ATE1: variants seen among roughly 807,000 people sequenced by gnomAD.
ATE1 encodes arginyltransferase 1.
ATE1 carries 36 observed loss-of-function variants against 70.5 expected under a neutral mutation model. The observed-to-expected ratio is 0.51, with a 90% confidence interval of 0.39 to 0.67. ATE1 has a LOEUF of 0.67. Among genes scored for constraint, ATE1 ranks in the 30% least tolerant of loss-of-function variants. The pLI is 0.00. For synonymous variants in ATE1, 232 were observed against 219.3 expected (o/e 1.06, Z -0.51); for missense variants, 593 against 629.5 (o/e 0.94, Z 0.62).
intron 11 of ATE1, among the ~76,000 whole-genome samples, chr10:121,765,986 T>C (rs1027251970): frequency 3.3e-5 from 5 of 152,184 alleles, no homozygotes; most frequent in Non-Finnish European, 7.4e-5. Flanking sequence ...GAGACTGCCA[T>C]GGTGATATCA....
At chr10:121,832,546 G>A (rs7923678) in intron 10 of ATE1, among the ~76,000 whole-genome samples, 24,917 of 152,082 alleles carry the variant, frequency 0.16, 2,088 homozygotes, top group East Asian at 0.19. Flanking sequence ...CCCCCATAAT[G>A]TTATCATGGT....
intron 11 of ATE1, among the ~76,000 whole-genome samples, chr10:121,771,860 A>G (rs2135883708): frequency 6.6e-6 from 1 of 152,374 alleles, no homozygotes; most frequent in Non-Finnish European, 1.5e-5. Flanking sequence ...GCTTTGGTCA[A>G]CACACTTAGA....
chr10:121,814,455 A>C (rs899510840), intron 10 of ATE1, among the ~76,000 whole-genome samples: 4 of 152,328 alleles, frequency 2.6e-5, no homozygotes, highest in Non-Finnish European at 5.9e-5. Flanking sequence ...GGATGGAGGA[A>C]GCTGGTGACG....
intron 8 of ATE1, among the ~76,000 whole-genome samples, chr10:121,847,392 G>A (rs181814843): frequency 1.6e-4 from 25 of 151,578 alleles, no homozygotes; most frequent in African/African-American, 5.1e-4. Flanking sequence ...AGGTTGCAGT[G>A]AGCTGAGATC....
At chr10:121,772,503 C>T (rs1242732657) in intron 11 of ATE1, among the ~76,000 whole-genome samples, 1 of 152,142 alleles carries the variant, frequency 6.6e-6, no homozygotes, top group African/African-American at 2.4e-5. Context: ...GAAAGCAATG[C>T]TAATGCAAGG....
intron 5 of ATE1, among the ~76,000 whole-genome samples, chr10:121,906,404 TG>T (rs1259103129): frequency 6.6e-6 from 1 of 152,038 alleles, no homozygotes; most frequent in Non-Finnish European, 1.5e-5. Flanking sequence ...TGACGTGTAC[TG>T]GTAGTCCCAA....
At chr10:121,916,226 C>T (rs1951651745) in intron 3 of ATE1, among the ~76,000 whole-genome samples, 1 of 151,308 alleles carries the variant, frequency 6.6e-6, no homozygotes, top group Non-Finnish European at 1.5e-5. Flanking sequence ...GACTCTGCCT[C>T]GAAAAACAAA....
At chr10:121,803,819 T>C (rs1050053546) in intron 10 of ATE1, among the ~76,000 whole-genome samples, 4 of 152,234 alleles carry the variant, frequency 2.6e-5, no homozygotes, top group Non-Finnish European at 4.4e-5. Flanking sequence ...AATAAGAAGT[T>C]AGCTTTAACC....
chr10:121,791,903 C>T (rs1946467904), intron 10 of ATE1, among the ~76,000 whole-genome samples: 1 of 152,178 alleles, frequency 6.6e-6, no homozygotes, highest in Admixed American at 6.5e-5. Context: ...AGCCTAAGAG[C>T]TCGGCAGTGA....
intron 5 of ATE1, among the ~76,000 whole-genome samples, chr10:121,908,775 A>C (rs1333724168): frequency 1.3e-5 from 2 of 152,170 alleles, no homozygotes; most frequent in African/African-American, 2.4e-5. Context: ...TCTGATTAAG[A>C]CTTGCCCCCC....
intron 11 of ATE1, among the ~76,000 whole-genome samples, chr10:121,778,989 A>C (rs1254095115): frequency 6.6e-6 from 1 of 152,086 alleles, no homozygotes; most frequent in Non-Finnish European, 1.5e-5. Flanking sequence ...ATCCTACATT[A>C]GCTTCCCAAT....
rs558648299 is a variant in ATE1 at position 121,840,603 on chromosome 10, A to T, written c.1157+479T>A. Among the ~76,000 whole-genome samples the T allele has an allele frequency of 2.6e-5, 4 of 152,218 alleles. No homozygotes were observed. In the South Asian group the frequency reaches 8.3e-4, roughly 32 times the overall value. On this transcript the variant is annotated intron_variant, in intron 9 of 11. Transcript: ENST00000224652. ...ACAAAAGCTACCCACAAATACAATG[A>T]CTTCTTAACTAGATGGATACCTTAA...
At chr10:121,856,627 T>G (rs1949260082) in intron 8 of ATE1, among the ~76,000 whole-genome samples, 1 of 152,240 alleles carries the variant, frequency 6.6e-6, no homozygotes, top group African/African-American at 2.4e-5. Context: ...GCAAATCACA[T>G]AACTGTTTTG....
rs572746495 is a variant in ATE1, at chr10:121,743,024, T to C, written c.*656A>G. On this transcript the variant is annotated 3_prime_UTR_variant, in exon 12 of 12. Transcript: ENST00000224652. ...TATTTTTTAGAGTAAAAGGGAGTACTATATTCTAGGGGAAAAAACTATGCC... is the reference window on the plus strand; with the variant it reads ...TATTTTTTAGAGTAAAAGGGAGTACCATATTCTAGGGGAAAAAACTATGCC... 1 of 152,354 alleles carries C rather than the reference T, an allele frequency of 6.6e-6. No individual in the cohort carries two copies. Among genetic ancestry groups the C allele is most frequent in the African/African-American group, 2.4e-5 (1 of 41,582 alleles). The allele number at this position is 152,354 out of a possible 1,614,324, so 9.4% of individuals were successfully genotyped here. A position where few individuals can be genotyped will look rare whatever the true frequency, so the allele number is the denominator to read the frequency against.
intron 8 of ATE1, among the ~76,000 whole-genome samples, chr10:121,841,980 G>A (rs193274752): frequency 2.0e-5 from 3 of 152,142 alleles, no homozygotes; most frequent in Admixed American, 1.3e-4. Flanking sequence ...AGAAATGCAT[G>A]AGAAAAATAT....
At chr10:121,847,409 C>T (rs1348488467) in intron 8 of ATE1, among the ~76,000 whole-genome samples, 2 of 151,988 alleles carry the variant, frequency 1.3e-5, no homozygotes, top group African/African-American at 2.4e-5. Context: ...GATCGCGCCA[C>T]TGCACTCCAG....
chr10:121,926,036 G>A (rs374966840), intron 1 of ATE1, among the ~76,000 whole-genome samples: 14 of 151,886 alleles, frequency 9.2e-5, no homozygotes, highest in Admixed American at 1.3e-4. Context: ...GTGAAACCCC[G>A]TCTCTACTAA....
chr10:121,908,599 G>C (rs1177803189), intron 5 of ATE1, among the ~76,000 whole-genome samples: 1 of 152,174 alleles, frequency 6.6e-6, no homozygotes, highest in Non-Finnish European at 1.5e-5. Flanking sequence ...AGCCAGCCAG[G>C]AAACGAAGAA....
chr10:121,787,908 A>G (rs1306809715), intron 11 of ATE1, among the ~76,000 whole-genome samples: 2 of 152,212 alleles, frequency 1.3e-5, no homozygotes, highest in Non-Finnish European at 2.9e-5. Flanking sequence ...GTCTCTAAGT[A>G]TTATGTAAGA....
Sources: allele counts gnomAD v4.1 joint callset (sites outside exome capture counted in the v4.1 genomes callset), GRCh38; gene constraint gnomAD v4.1.1; transcripts MANE v1.5; gene names NCBI Gene and HGNC (gene_info 2026-07-23, HGNC 2026-07-21).